Variants in PDLIM1 observed in about 807,000 individuals in gnomAD.
PDLIM1 encodes PDZ and LIM domain protein 1.
In PDLIM1, 25 loss-of-function variants were observed where a neutral mutation model predicts 35.2. The observed-to-expected ratio is 0.71, with a 90% CI of 0.52 to 0.99. PDLIM1 has a LOEUF of 0.99. Among genes scored for constraint, PDLIM1 ranks in the 50% least tolerant of loss-of-function variants. PDLIM1 has a pLI of 0.00. For missense variants in PDLIM1, 363 were observed against 415.3 expected (o/e 0.87, Z 1.09); for synonymous variants, 152 against 154.0 (o/e 0.99, Z 0.10).
At chr10:95,255,301 CCT>C (rs1589509723) in intron 4 of PDLIM1, among the ~76,000 whole-genome samples, 1 of 148,810 alleles carries the variant, frequency 6.7e-6, no homozygotes. Context: ...CCACTATTAC[CCT>C]GATACCAAAA....
intron 5 of PDLIM1, among the ~76,000 whole-genome samples, chr10:95,239,945 C>T (rs61868351): frequency 0.23 from 35,310 of 152,026 alleles, 4,570 homozygotes; most frequent in Middle Eastern, 0.34. Context: ...AATGAGATAC[C>T]GACTCACGCC....
chr10:95,246,338 ATTG>A (rs1377284160), intron 5 of PDLIM1, among the ~76,000 whole-genome samples: 5 of 152,202 alleles, frequency 3.3e-5, no homozygotes, highest in Admixed American at 6.5e-5. Context: ...GACGTATAGC[ATTG>A]TTATTAAGTG....
intron 1 of PDLIM1, among the ~76,000 whole-genome samples, chr10:95,276,997 T>C (rs543939071): frequency 6.0e-4 from 90 of 150,558 alleles, no homozygotes; most frequent in African/African-American, 2.1e-3. Context: ...TGGCTCGCCT[T>C]GAGCTCAGGA....
At chr10:95,272,330 CAGTT>C (rs1444536924) in intron 1 of PDLIM1, among the ~76,000 whole-genome samples, 6 of 152,056 alleles carry the variant, frequency 3.9e-5, no homozygotes, top group African/African-American at 1.5e-4. Context: ...AAATTGTTCA[CAGTT>C]ATACAGTTTT....
chr10:95,282,909 A>T (rs889293427), intron 1 of PDLIM1, among the ~76,000 whole-genome samples: 2 of 152,162 alleles, frequency 1.3e-5, no homozygotes, highest in African/African-American at 4.8e-5. Flanking sequence ...ATGCCACTGC[A>T]CTCCAGCCCA....
At chr10:95,255,937 A>ACACACACAC (rs1554832046) in intron 4 of PDLIM1, among the ~76,000 whole-genome samples, 29 of 151,404 alleles carry the variant, frequency 1.9e-4, no homozygotes, top group Admixed American at 3.3e-4. Context: ...ACACACACAC[A>ACACACACAC]ATTGGAACTA....
intron 4 of PDLIM1, among the ~76,000 whole-genome samples, chr10:95,255,206 A>G (rs897500391): frequency 6.6e-6 from 1 of 152,066 alleles, no homozygotes; most frequent in African/African-American, 2.4e-5. Flanking sequence ...ATTCTATCAA[A>G]CAATTTTAAA....
chr10:95,268,059 G>A (rs1010338416), intron 3 of PDLIM1, among the ~76,000 whole-genome samples: 6 of 152,102 alleles, frequency 3.9e-5, no homozygotes, highest in African/African-American at 1.4e-4. Flanking sequence ...CAATACCCAT[G>A]CCTTGTAGAT....
chr10:95,269,345 G>T (rs1420866346), intron 2 of PDLIM1, among the ~76,000 whole-genome samples: 3 of 152,172 alleles, frequency 2.0e-5, no homozygotes, highest in Non-Finnish European at 2.9e-5. Context: ...GCTGAGGTGG[G>T]GAAATCACTT....
At chr10:95,240,349 G>A (rs1386620637) in intron 5 of PDLIM1, among the ~76,000 whole-genome samples, 1 of 152,236 alleles carries the variant, frequency 6.6e-6, no homozygotes, top group Admixed American at 6.5e-5. Flanking sequence ...CAGGGACATG[G>A]ATGGAACTGG....
At chr10:95,264,183 C>A in intron 3 of PDLIM1, 120 bp from the exon 4 acceptor site, 2 of 766,884 alleles carry the variant, frequency 2.6e-6, no homozygotes, top group Non-Finnish European at 4.3e-6. Context: ...CTAGTTCAAC[C>A]CAAACTTTAG....
At chr10:95,277,951 A>C (rs1311889684) in intron 1 of PDLIM1, among the ~76,000 whole-genome samples, 1 of 152,232 alleles carries the variant, frequency 6.6e-6, no homozygotes, top group Non-Finnish European at 1.5e-5. Context: ...TTCAACTTAC[A>C]TTTAAATAAC....
chr10:95,267,513 T>G (rs917062131), intron 3 of PDLIM1, among the ~76,000 whole-genome samples: 2 of 152,048 alleles, frequency 1.3e-5, no homozygotes, highest in South Asian at 2.1e-4. Context: ...CTGAGAGGAG[T>G]TGTATAGAAG....
intron 1 of PDLIM1, 73 bp from the exon 2 acceptor site, chr10:95,271,857 T>A (rs2035467920): frequency 7.0e-7 from 1 of 1,422,398 alleles, no homozygotes; most frequent in African/African-American, 1.4e-5. Context: ...AGTTAAGTAT[T>A]CACTGATATG....
At chr10:95,275,040 A>G (rs935977922) in intron 1 of PDLIM1, among the ~76,000 whole-genome samples, 11 of 152,136 alleles carry the variant, frequency 7.2e-5, no homozygotes, top group Non-Finnish European at 2.9e-5. Context: ...AGCTCACAAT[A>G]TTTGCAACTT....
intron 1 of PDLIM1, among the ~76,000 whole-genome samples, chr10:95,275,892 T>G (rs2035507075): frequency 2.4e-5 from 3 of 123,306 alleles, no homozygotes; most frequent in African/African-American, 7.8e-5. Context: ...AATTTCTTTG[T>G]TTTTTTTTTA....
intron 4 of PDLIM1, among the ~76,000 whole-genome samples, chr10:95,254,663 T>A (rs936119059): frequency 1.3e-5 from 2 of 152,074 alleles, no homozygotes; most frequent in African/African-American, 4.8e-5. Flanking sequence ...ACGACTATAA[T>A]CCCAGTACTT....
intron 5 of PDLIM1, among the ~76,000 whole-genome samples, chr10:95,241,988 T>A (rs1455082382): frequency 6.6e-6 from 1 of 152,192 alleles, no homozygotes; most frequent in Admixed American, 6.5e-5. Flanking sequence ...GAACTCTCAA[T>A]AGCCCTATCA....
At chr10:95,249,171 G>A (rs915764528) in intron 4 of PDLIM1, among the ~76,000 whole-genome samples, 2 of 152,224 alleles carry the variant, frequency 1.3e-5, no homozygotes, top group African/African-American at 2.4e-5. Flanking sequence ...AACGAACACT[G>A]CAGAATGGGT....
Sources: gnomAD v4.1 joint callset for allele counts (sites outside exome capture counted in the v4.1 genomes callset) on GRCh38, gnomAD v4.1.1 for gene constraint, MANE v1.5 for transcripts, NCBI Gene and HGNC (gene_info 2026-07-23, HGNC 2026-07-21) for gene names.